The following TNNI3K variants were observed in gnomAD, a reference collection of about 807,000 sequenced individuals.
TNNI3K encodes serine/threonine-protein kinase TNNI3K.
TNNI3K carries 140 observed loss-of-function variants against 114.5 expected under a neutral mutation model. That is an observed-to-expected ratio of 1.22 (90% CI 1.07 to 1.41). TNNI3K has a LOEUF of 1.41. Among genes scored for constraint, TNNI3K ranks in the 40% most tolerant of loss-of-function variants. The pLI, the probability that TNNI3K is intolerant of heterozygous loss-of-function variation, is 0.00. For missense variants in TNNI3K, 1,125 were observed against 1,007.6 expected (o/e 1.12, Z -1.58); for synonymous variants, 347 against 347.5 (o/e 1.00, Z 0.02).
intron 17 of TNNI3K, among the ~76,000 whole-genome samples, chr1:74,390,047 G>T (rs1323212401): frequency 6.6e-6 from 1 of 152,146 alleles, no homozygotes; most frequent in Non-Finnish European, 1.5e-5. Flanking sequence ...GGTGGGCAAT[G>T]AATAGCACTG....
At chr1:74,517,428 T>C (rs1646365387) in intron 23 of TNNI3K, among the ~76,000 whole-genome samples, 1 of 152,192 alleles carries the variant, frequency 6.6e-6, no homozygotes, top group South Asian at 2.1e-4. Flanking sequence ...AAACACTTAC[T>C]TGAGCAAGGT....
chr1:74,314,202 C>T (rs1305652040), intron 5 of TNNI3K, among the ~76,000 whole-genome samples: 1 of 149,498 alleles, frequency 6.7e-6, no homozygotes, highest in Non-Finnish European at 1.5e-5. Context: ...AAGTTCAGGG[C>T]CTGCTATATT....
At chr1:74,356,961 C>A (rs1661692438) in intron 11 of TNNI3K, among the ~76,000 whole-genome samples, 2 of 152,150 alleles carry the variant, frequency 1.3e-5, no homozygotes, top group African/African-American at 4.8e-5. Context: ...TGTTCTAGGG[C>A]AAAGCAAGTC....
intron 23 of TNNI3K, among the ~76,000 whole-genome samples, chr1:74,540,027 A>G (rs984906213): frequency 2.5e-4 from 38 of 152,308 alleles, no homozygotes; most frequent in African/African-American, 8.7e-4. Context: ...ATTGTAACCT[A>G]TGCTTAAGAG....
At chr1:74,524,033 G>C (rs17095517) in intron 23 of TNNI3K, among the ~76,000 whole-genome samples, 6,246 of 152,246 alleles carry the variant, frequency 0.041, 405 homozygotes, top group African/African-American at 0.14. Context: ...ACTGAATGTG[G>C]AGTTGTTGCT....
chr1:74,269,755 C>G (rs187427335), intron 4 of TNNI3K, among the ~76,000 whole-genome samples: 55 of 151,756 alleles, frequency 3.6e-4, no homozygotes, highest in African/African-American at 1.0e-3. Flanking sequence ...CATTGATAGG[C>G]AAAATATATG....
At chr1:74,404,664 C>T (rs1286727445) in intron 17 of TNNI3K, among the ~76,000 whole-genome samples, 1 of 152,218 alleles carries the variant, frequency 6.6e-6, no homozygotes, top group Non-Finnish European at 1.5e-5. Context: ...GGGAACCACA[C>T]TTTGAGAACC....
chr1:74,314,654 A>AC (rs1175583789), intron 5 of TNNI3K, among the ~76,000 whole-genome samples: 11 of 152,180 alleles, frequency 7.2e-5, no homozygotes, highest in Admixed American at 7.2e-4. Flanking sequence ...TGATGTCATA[A>AC]ACACATTTAT....
intron 5 of TNNI3K, 74 bp downstream of exon 5, chr1:74,271,782 A>C: frequency 7.8e-7 from 1 of 1,285,548 alleles, no homozygotes; most frequent in Non-Finnish European, 1.1e-6. Flanking sequence ...ACTGTTTTGA[A>C]ATACTGTCTT....
chr1:74,405,340 G>A (rs925123235), intron 17 of TNNI3K, among the ~76,000 whole-genome samples: 3 of 152,030 alleles, frequency 2.0e-5, no homozygotes, highest in Admixed American at 6.6e-5. Context: ...AAATACGCAG[G>A]GTGGTTTAAA....
chr1:74,523,896 A>G (rs12084588), intron 23 of TNNI3K, among the ~76,000 whole-genome samples: 5,934 of 152,108 alleles, frequency 0.039, 383 homozygotes, highest in African/African-American at 0.13. Context: ...TCTACATTAA[A>G]CATTTCTCCT....
intron 20 of TNNI3K, among the ~76,000 whole-genome samples, chr1:74,446,844 T>C (rs944073951): frequency 4.4e-4 from 66 of 149,768 alleles, no homozygotes; most frequent in Non-Finnish European, 7.1e-4. Context: ...AAAGATCAGA[T>C]AGTTGTAGGT....
intron 10 of TNNI3K, 74 bp from the exon 11 acceptor site, chr1:74,353,906 T>C: frequency 6.5e-7 from 1 of 1,529,134 alleles, no homozygotes; most frequent in Non-Finnish European, 8.8e-7. Context: ...TATGTGGTGA[T>C]GACTGTCTTT....
At chr1:74,258,637 C>T (rs541641683) in intron 4 of TNNI3K, among the ~76,000 whole-genome samples, 1 of 152,254 alleles carries the variant, frequency 6.6e-6, no homozygotes, top group East Asian at 1.9e-4. Flanking sequence ...TCTATGATAT[C>T]ATTGCTCACT....
At chr1:74,483,722 G>T (rs1668613235) in intron 21 of TNNI3K, among the ~76,000 whole-genome samples, 2 of 152,158 alleles carry the variant, frequency 1.3e-5, no homozygotes, top group African/African-American at 2.4e-5. Context: ...GGAGACTAAA[G>T]AAACAGCTCA....
At chr1:74,328,318 A>T (rs1660022230) in intron 5 of TNNI3K, among the ~76,000 whole-genome samples, 1 of 151,458 alleles carries the variant, frequency 6.6e-6, no homozygotes, top group African/African-American at 2.4e-5. Context: ...CAACTTTTTC[A>T]GGTTCTGAAG....
intron 11 of TNNI3K, among the ~76,000 whole-genome samples, chr1:74,355,604 AAAAT>A (rs45582636): frequency 2.3e-4 from 35 of 151,720 alleles, no homozygotes; most frequent in Middle Eastern, 6.9e-3. Flanking sequence ...CTCCGTCTCA[AAAAT>A]AAATAAATAA....
At chr1:74,465,955 T>A (rs552079073) in intron 21 of TNNI3K, among the ~76,000 whole-genome samples, 2 of 152,268 alleles carry the variant, frequency 1.3e-5, no homozygotes, top group South Asian at 2.1e-4. Flanking sequence ...CTGGTCATCT[T>A]CTGTATTGTG....
At position 74,331,459 on chromosome 1, in the gene TNNI3K, G is replaced by A. The variant is rs1570474469; in HGVS notation, c.454G>A (p.Val152Met). 5 of 1,613,104 alleles carry A rather than the reference G, an allele frequency of 3.1e-6. No homozygotes were observed. The South Asian group carries it at 5.5e-5, about 18-fold the overall frequency. ...TCATTTTCTTGTCCAGGCTGCTGAT[G>A]TGCTGTTGCAACATGGAGCTAATGT... is the stretch of plus-strand genomic sequence containing the variant. ...TIAGHLEAAD[V>M]LLQHGANVNI... Residue 152 changes from valine to methionine, a missense_variant, in exon 6 of 25, where the codon GTG (valine) becomes ATG (methionine). Transcript: ENST00000326637.
Sources: gnomAD v4.1 joint callset for allele counts (sites outside exome capture counted in the v4.1 genomes callset) on GRCh38, gnomAD v4.1.1 for gene constraint, MANE v1.5 for transcripts, NCBI Gene and HGNC (gene_info 2026-07-23, HGNC 2026-07-21) for gene names.